The following ZNF385B variants were observed in gnomAD, a reference collection of about 807,000 sequenced individuals.
ZNF385B encodes the protein zinc finger protein 385B.
A neutral mutation model predicts 39.2 loss-of-function variants in ZNF385B; 23 were observed. The ratio of observed to expected loss-of-function variants is 0.59; its 90% CI spans 0.42 to 0.83. The LOEUF (loss-of-function observed/expected upper bound fraction) is 0.83, where lower values mean the gene tolerates loss of function less well. Among genes scored for constraint, ZNF385B ranks in the 40% least tolerant of loss-of-function variants. The pLI, the probability that ZNF385B is intolerant of heterozygous loss-of-function variation, is 0.00. For synonymous variants in ZNF385B, 205 were observed against 222.6 expected, an observed-to-expected ratio of 0.92 and a Z score of 0.70; for missense variants, 552 against 598.9, an observed-to-expected ratio of 0.92 and a Z score of 0.82.
At chr2:179,586,132 C>T (rs1027283427) in intron 3 of ZNF385B, among the ~76,000 whole-genome samples, 2 of 152,276 alleles carry the variant, frequency 1.3e-5, no homozygotes, top group South Asian at 4.2e-4. Context: ...GTTTCCATCC[C>T]CATGTTCATC....
intron 3 of ZNF385B, among the ~76,000 whole-genome samples, chr2:179,623,133 A>G (rs1355028949): frequency 6.6e-6 from 1 of 152,152 alleles, no homozygotes; most frequent in African/African-American, 2.4e-5. Context: ...GCATGTTTGG[A>G]TTGCATTATT....
At chr2:179,572,201 C>T (rs2106000284) in intron 3 of ZNF385B, among the ~76,000 whole-genome samples, 1 of 152,102 alleles carries the variant, frequency 6.6e-6, no homozygotes, top group African/African-American at 2.4e-5. Context: ...ACCTGGCCTT[C>T]TCAGATATTT....
At chr2:179,852,747 G>A (rs961815746) in intron 1 of ZNF385B, among the ~76,000 whole-genome samples, 9 of 152,274 alleles carry the variant, frequency 5.9e-5, no homozygotes, top group Non-Finnish European at 1.0e-4. Context: ...TCGATCACCC[G>A]GGATACTTAC....
chr2:179,711,830 C>T (rs1041150076), intron 3 of ZNF385B, among the ~76,000 whole-genome samples: 1 of 145,860 alleles, frequency 6.9e-6, no homozygotes, highest in African/African-American at 2.5e-5. Flanking sequence ...TTTTTTTTAA[C>T]AAGCAGTAGC....
At chr2:179,559,126 C>A (rs2061150995) in intron 3 of ZNF385B, among the ~76,000 whole-genome samples, 1 of 152,272 alleles carries the variant, frequency 6.6e-6, no homozygotes, top group East Asian at 1.9e-4. Flanking sequence ...CTCCCTTTCG[C>A]CTCTTCACTG....
chr2:179,557,256 A>G (rs2060968243), intron 3 of ZNF385B, among the ~76,000 whole-genome samples: 1 of 149,302 alleles, frequency 6.7e-6, no homozygotes, highest in African/African-American at 2.5e-5. Context: ...ACCTTCTTTA[A>G]AAATTCAAGA....
In ZNF385B at chr2:179,839,591, C is replaced by T. The variant is rs190127535; in HGVS notation, c.-155+21510G>A. Among the ~76,000 whole-genome samples the T allele has an allele frequency of 1.4e-3, 211 of 152,232 alleles. 1 individual carries two copies. The highest frequency in any genetic ancestry group is 3.4e-3 in the Middle Eastern group (1 of 294). On this transcript the variant is annotated intron_variant, in intron 1 of 9. Coordinates refer to ENST00000410066, the MANE Select transcript of ZNF385B (RefSeq NM_152520.6). The stretch of plus-strand genomic sequence containing the variant: ...CACTCAAAAATCTCAGTGTTTCAGA[C>T]GGCCACCTATATAAGTTAGGGTCCC...
intron 3 of ZNF385B, among the ~76,000 whole-genome samples, chr2:179,670,806 G>A (rs1442726819): frequency 6.6e-6 from 1 of 152,192 alleles, no homozygotes; most frequent in Non-Finnish European, 1.5e-5. Flanking sequence ...TCTCAAAAAT[G>A]AGAACTTTTG....
At chr2:179,622,078 G>A (rs894191360) in intron 3 of ZNF385B, among the ~76,000 whole-genome samples, 11 of 151,990 alleles carry the variant, frequency 7.2e-5, no homozygotes, top group Non-Finnish European at 1.6e-4. Flanking sequence ...GCCACCATTT[G>A]CTTATCAAAA....
chr2:179,515,480 G>A (rs2058026005), intron 5 of ZNF385B, among the ~76,000 whole-genome samples: 1 of 152,088 alleles, frequency 6.6e-6, no homozygotes, highest in Admixed American at 6.6e-5. Flanking sequence ...TTTTATAAGT[G>A]GTCAGGTAAG....
At chr2:179,609,311 G>T (rs1009499457) in intron 3 of ZNF385B, among the ~76,000 whole-genome samples, 14 of 152,090 alleles carry the variant, frequency 9.2e-5, no homozygotes, top group Non-Finnish European at 2.1e-4. Context: ...CCACAGATAT[G>T]TGAGAACATG....
intron 4 of ZNF385B, among the ~76,000 whole-genome samples, chr2:179,528,720 T>C (rs2059078035): frequency 6.6e-6 from 1 of 152,180 alleles, no homozygotes. Context: ...ATAGTTACTT[T>C]GTTAATAGGA....
At chr2:179,691,431 A>G (rs528676974) in intron 3 of ZNF385B, among the ~76,000 whole-genome samples, 2 of 152,304 alleles carry the variant, frequency 1.3e-5, no homozygotes, top group African/African-American at 4.8e-5. Context: ...TGCATGCCAC[A>G]ATATTTTAAC....
intron 1 of ZNF385B, among the ~76,000 whole-genome samples, chr2:179,791,501 C>G (rs1460882440): frequency 6.6e-6 from 1 of 152,138 alleles, no homozygotes; most frequent in Non-Finnish European, 1.5e-5. Flanking sequence ...ATGAACCATT[C>G]TGTTTTAGCT....
intron 3 of ZNF385B, among the ~76,000 whole-genome samples, chr2:179,549,213 CAATT>C (rs2105920713): frequency 6.7e-6 from 1 of 149,460 alleles, no homozygotes; most frequent in Non-Finnish European, 1.5e-5. Context: ...ATCCATTCAT[CAATT>C]GATAGGCATT....
At chr2:179,827,988 G>T (rs1162490783) in intron 1 of ZNF385B, among the ~76,000 whole-genome samples, 1 of 152,024 alleles carries the variant, frequency 6.6e-6, no homozygotes, top group Non-Finnish European at 1.5e-5. Flanking sequence ...TGTGAGTTTT[G>T]TCTGTGTTGC....
At chr2:179,620,005 A>G (rs1419004537) in intron 3 of ZNF385B, among the ~76,000 whole-genome samples, 2 of 152,116 alleles carry the variant, frequency 1.3e-5, no homozygotes, top group Non-Finnish European at 2.9e-5. Flanking sequence ...GTGTTAATAT[A>G]TTTCAGAGTA....
At chr2:179,666,616 G>A (rs141054650) in intron 3 of ZNF385B, among the ~76,000 whole-genome samples, 175 of 151,914 alleles carry the variant, frequency 1.2e-3, no homozygotes, top group Middle Eastern at 3.4e-3. Context: ...TATTAATGAA[G>A]AAACTGACAC....
At chr2:179,783,110 C>G (rs776014214) in intron 1 of ZNF385B, among the ~76,000 whole-genome samples, 1 of 152,104 alleles carries the variant, frequency 6.6e-6, no homozygotes, top group Non-Finnish European at 1.5e-5. Flanking sequence ...AACCAAATAG[C>G]ATAGGACTGG....
Sources: gnomAD v4.1 joint callset for allele counts (sites outside exome capture counted in the v4.1 genomes callset) on GRCh38, gnomAD v4.1.1 for gene constraint, MANE v1.5 for transcripts, NCBI Gene and HGNC (gene_info 2026-07-23, HGNC 2026-07-21) for gene names.